Variants in ZNF521 observed in about 807,000 individuals in gnomAD.
The protein encoded by ZNF521 is LYST-interacting protein 3.
Under a neutral mutation model 105.5 loss-of-function variants are expected in ZNF521, and 14 were observed. The ratio of observed to expected loss-of-function variants is 0.13; its 90% confidence interval spans 0.09 to 0.21. The LOEUF (loss-of-function observed/expected upper bound fraction) is 0.21, where lower values mean the gene tolerates loss of function less well. ZNF521 is among the 10% of genes least tolerant of loss of function. The pLI is 1.00. For synonymous variants in ZNF521, 635 were observed against 606.0 expected, an observed-to-expected ratio of 1.05 and a Z score of -0.70; for missense variants, 1,233 against 1,629.7, an observed-to-expected ratio of 0.76 and a Z score of 4.19.
chr18:25,238,925 C>T (rs1171001150), intron 3 of ZNF521, among the ~76,000 whole-genome samples: 1 of 152,122 alleles, frequency 6.6e-6, no homozygotes, highest in African/African-American at 2.4e-5. Flanking sequence ...ACCTGCATTC[C>T]CAAGCTTGAG....
At chr18:25,120,589 A>AAACAAAC (rs2034415800) in intron 5 of ZNF521, among the ~76,000 whole-genome samples, 4 of 115,914 alleles carry the variant, frequency 3.5e-5, no homozygotes, top group Non-Finnish European at 5.3e-5. Context: ...ATCTAAAAAA[A>AAACAAAC]AAAAAAAAAA....
At chr18:25,065,208 T>C (rs191581978) in intron 7 of ZNF521, among the ~76,000 whole-genome samples, 33 of 152,172 alleles carry the variant, frequency 2.2e-4, no homozygotes, top group African/African-American at 7.5e-4. Context: ...AATGACCAAA[T>C]AAGTACAAGA....
chr18:25,348,714 G>C (rs936290659), intron 2 of ZNF521, among the ~76,000 whole-genome samples: 1 of 151,858 alleles, frequency 6.6e-6, no homozygotes, highest in Admixed American at 6.6e-5. Flanking sequence ...TGTCTTTGTG[G>C]GGAAGATATT....
intron 3 of ZNF521, among the ~76,000 whole-genome samples, chr18:25,292,019 A>G (rs954307624): frequency 6.6e-6 from 1 of 152,210 alleles, no homozygotes; most frequent in Non-Finnish European, 1.5e-5. Flanking sequence ...TAGGCGCTCA[A>G]TGAATATTTA....
At chr18:25,284,546 C>A (rs958681252) in intron 3 of ZNF521, among the ~76,000 whole-genome samples, 5 of 152,012 alleles carry the variant, frequency 3.3e-5, no homozygotes, top group Admixed American at 1.3e-4. Flanking sequence ...GAGACGAGAG[C>A]GCTGAGGGCC....
chr18:25,326,485 A>AAC (rs1913230035), intron 2 of ZNF521, among the ~76,000 whole-genome samples: 1 of 152,214 alleles, frequency 6.6e-6, no homozygotes, highest in Non-Finnish European at 1.5e-5. Context: ...TCCATCGCAA[A>AAC]ACAACTGCCT....
chr18:25,204,872 T>C (rs1473029822), intron 4 of ZNF521, among the ~76,000 whole-genome samples: 4 of 152,118 alleles, frequency 2.6e-5, no homozygotes, highest in African/African-American at 9.7e-5. Context: ...ATGGTTTCAG[T>C]TGCTGTTTAT....
chr18:25,237,463 T>G (rs1168477375), intron 3 of ZNF521, among the ~76,000 whole-genome samples: 4 of 152,092 alleles, frequency 2.6e-5, no homozygotes, highest in African/African-American at 9.7e-5. Flanking sequence ...ACACATATTA[T>G]CTGAGATGAT....
intron 3 of ZNF521, among the ~76,000 whole-genome samples, chr18:25,263,213 A>G (rs1909028429): frequency 6.6e-6 from 1 of 152,148 alleles, no homozygotes; most frequent in African/African-American, 2.4e-5. Flanking sequence ...GGTAACTTTG[A>G]TATCTAAATT....
At chr18:25,176,261 C>G (rs916886051) in intron 5 of ZNF521, among the ~76,000 whole-genome samples, 1 of 152,180 alleles carries the variant, frequency 6.6e-6, no homozygotes, top group African/African-American at 2.4e-5. Context: ...AACCCCAACG[C>G]TCTAAATTTA....
chr18:25,086,883 C>T lies in ZNF521; in HGVS notation c.3906+2582G>A, dbSNP rs564374740. Among the ~76,000 whole-genome samples, 7 of 152,244 alleles carry T rather than the reference C, an allele frequency of 4.6e-5. No individual in the cohort carries two copies. In the South Asian group the frequency reaches 1.2e-3, roughly 27 times the overall value. ...TGTGTTCTGCACTAAAATTTCTATG[C>T]CTGTGGTTCTCAAAGGGTGGCCCAG... On this transcript the variant is annotated intron_variant, in intron 7 of 7. Transcript: ENST00000361524.
At chr18:25,161,176 CCTT>C (rs2035244699) in intron 5 of ZNF521, among the ~76,000 whole-genome samples, 1 of 152,152 alleles carries the variant, frequency 6.6e-6, no homozygotes, top group Non-Finnish European at 1.5e-5. Flanking sequence ...CCCTTTGTCT[CCTT>C]CTCCCTCAAA....
At chr18:25,287,286 G>A (rs762688822) in intron 3 of ZNF521, among the ~76,000 whole-genome samples, 20 of 152,132 alleles carry the variant, frequency 1.3e-4, no homozygotes, top group African/African-American at 3.9e-4. Context: ...TTCTTGCAGC[G>A]CTTAATGCCA....
intron 5 of ZNF521, among the ~76,000 whole-genome samples, chr18:25,153,338 C>T (rs772559225): frequency 7.9e-5 from 12 of 152,208 alleles, no homozygotes; most frequent in Admixed American, 6.5e-5. Context: ...CATTTCATCA[C>T]AAGCAGGATT....
chr18:25,156,481 A>G (rs2035147362), intron 5 of ZNF521, among the ~76,000 whole-genome samples: 1 of 152,232 alleles, frequency 6.6e-6, no homozygotes, highest in African/African-American at 2.4e-5. Context: ...AAATTCACAC[A>G]TGTGCATATA....
chr18:25,254,054 G>T (rs1209511486), intron 3 of ZNF521, among the ~76,000 whole-genome samples: 6 of 152,080 alleles, frequency 3.9e-5, no homozygotes, highest in Admixed American at 3.9e-4. Context: ...AAACCAACTT[G>T]TCCAGCACAT....
intron 7 of ZNF521, among the ~76,000 whole-genome samples, chr18:25,078,257 C>A (rs2033412535): frequency 2.0e-5 from 3 of 152,192 alleles, no homozygotes; most frequent in Admixed American, 2.0e-4. Flanking sequence ...TGCGCAGATT[C>A]TGAAAGAAGG....
chr18:25,135,383 T>C (rs1373823882), intron 5 of ZNF521, among the ~76,000 whole-genome samples: 2 of 151,990 alleles, frequency 1.3e-5, no homozygotes, highest in Non-Finnish European at 2.9e-5. Context: ...GTTTTCCTTC[T>C]CTGGCCATAA....
At chr18:25,070,206 AG>A (rs910875391) in intron 7 of ZNF521, among the ~76,000 whole-genome samples, 41 of 152,338 alleles carry the variant, frequency 2.7e-4, no homozygotes, top group African/African-American at 9.9e-4. Flanking sequence ...CACTTAGGCC[AG>A]TTTTGAATGA....
Sources: allele counts gnomAD v4.1 joint callset (sites outside exome capture counted in the v4.1 genomes callset), GRCh38; gene constraint gnomAD v4.1.1; transcripts MANE v1.5; gene names NCBI Gene and HGNC (gene_info 2026-07-23, HGNC 2026-07-21).